CHFR: variants seen among roughly 807,000 people sequenced by gnomAD.
The protein encoded by CHFR is checkpoint with forkhead and ring finger domains.
In CHFR, 57 loss-of-function variants were observed where a neutral mutation model predicts 87.6. The ratio of observed to expected loss-of-function variants is 0.65; its 90% CI spans 0.53 to 0.81. CHFR has a LOEUF of 0.81. Among genes scored for constraint, CHFR ranks in the 30% least tolerant of loss-of-function variants. The pLI is 0.00. For missense variants in CHFR, 797 were observed against 865.8 expected, an observed-to-expected ratio of 0.92 and a Z score of 1.00; for synonymous variants, 381 against 359.2, an observed-to-expected ratio of 1.06 and a Z score of -0.69.
chr12:132,843,817 C>T (rs1041685713), intron 16 of CHFR, among the ~76,000 whole-genome samples: 11 of 151,920 alleles, frequency 7.2e-5, no homozygotes, highest in South Asian at 2.1e-4. Context: ...GGCGTGGTGG[C>T]GGGTGCCTGT....
rs1213864952 is a variant in CHFR at position 132,870,798 on chromosome 12, A to G, written c.344-15T>C. ...GTATGCCACGTCTAAAAGAAAATCA[A>G]TCAAATCAGAAAAGTGGTGGCCCCT... On this transcript the variant is annotated splice_polypyrimidine_tract_variant and intron_variant, in intron 4 of 17. Transcript: ENST00000450056. 1.9e-6 allele frequency: 3 copies of G among 1,583,850 alleles called. No individual in the cohort carries two copies. The highest frequency in any genetic ancestry group is 1.7e-4 in the Middle Eastern group (1 of 5,994).
chr12:132,857,190 G>A (rs1389539816), intron 9 of CHFR, among the ~76,000 whole-genome samples: 1 of 141,054 alleles, frequency 7.1e-6, no homozygotes, highest in Non-Finnish European at 1.5e-5. Flanking sequence ...CCCAGGTGGT[G>A]GTGGAGGGAC....
At chr12:132,855,152 G>GA (rs1413932358) in intron 10 of CHFR, 1 of 150,032 alleles carries the variant, frequency 6.7e-6, no homozygotes, top group African/African-American at 2.5e-5. Flanking sequence ...TAACACGGGA[G>GA]AATCACTTGA....
At chr12:132,866,614 G>A (rs1951347466) in intron 6 of CHFR, 1 of 120,414 alleles carries the variant, frequency 8.3e-6, no homozygotes, top group Non-Finnish European at 1.9e-5. Flanking sequence ...ACACCAGAAA[G>A]TTACAACACA....
chr12:132,860,680 AATC>A (rs1439747864), intron 7 of CHFR, among the ~76,000 whole-genome samples: 1 of 152,230 alleles, frequency 6.6e-6, no homozygotes, highest in Admixed American at 6.5e-5. Context: ...CTTCTCCCTA[AATC>A]ATCTTCAATG....
intron 10 of CHFR, among the ~76,000 whole-genome samples, chr12:132,855,392 C>T (rs943475884): frequency 3.3e-5 from 5 of 149,688 alleles, no homozygotes; most frequent in Admixed American, 1.3e-4. Flanking sequence ...ATTGGCAGGG[C>T]GCAGTGGCTC....
Position 132,851,551 on chromosome 12 carries a change from C to T in CHFR, c.1492+67G>A, listed in dbSNP as rs79504747. On this transcript the variant is annotated intron_variant, in intron 12 of 17. Coordinates refer to ENST00000450056, the MANE Select transcript of CHFR (RefSeq NM_001161346.2). ...TCACAGGTTACCCTAAGGCCAACAC[C>T]GCTTTGAAACCTGACCCCTGAAGGA... is the stretch of plus-strand genomic sequence containing the variant. 795 of 1,503,526 alleles carry T rather than the reference C, an allele frequency of 5.3e-4. 3 individuals carry two copies. The African/African-American group carries it at 7.9e-3, about 15-fold the overall frequency. 93.1% of individuals were successfully genotyped at this position (1,503,526 alleles called of 1,614,324 possible). A position where few individuals can be genotyped will look rare whatever the true frequency, so the allele number is the denominator to read the frequency against.
chr12:132,879,686 G>A (rs751925400), intron 2 of CHFR, among the ~76,000 whole-genome samples: 2 of 152,162 alleles, frequency 1.3e-5, no homozygotes, highest in African/African-American at 2.4e-5. Context: ...ACCAGCGCCC[G>A]GCCCTGAATA....
At chr12:132,853,658 A>T (rs1566182134) in intron 10 of CHFR, 85 bp from the exon 11 acceptor site, 2 of 1,417,856 alleles carry the variant, frequency 1.4e-6, no homozygotes, top group African/African-American at 3.0e-5. Flanking sequence ...CAGCCATCAC[A>T]GCTCAGCTCC....
chr12:132,876,743 T>C (rs1244226687), intron 3 of CHFR, among the ~76,000 whole-genome samples: 1 of 152,186 alleles, frequency 6.6e-6, no homozygotes, highest in East Asian at 1.9e-4. Flanking sequence ...GAAATACATC[T>C]TCTAATACCT....
intron 10 of CHFR, 129 bp downstream of exon 10, chr12:132,856,339 A>C: frequency 1.0e-6 from 1 of 963,976 alleles, no homozygotes. Context: ...AAGCCATTTA[A>C]GAGCTTGGCT....
At chr12:132,846,957 G>T in intron 15 of CHFR, 86 bp downstream of exon 15, 1 of 926,796 alleles carries the variant, frequency 1.1e-6, no homozygotes. Flanking sequence ...GGTGAAGGTC[G>T]GAGTTGTCAC....
At position 132,856,620 on chromosome 12, in the gene CHFR, G is replaced by A. The variant is rs928539042; in HGVS notation, c.1077C>T (p.Arg359=). 13 of 1,613,860 alleles carry A rather than the reference G, an allele frequency of 8.1e-6. No individual in the cohort carries two copies. The African/African-American group carries it at 1.6e-4, about 20-fold the overall frequency. Residue 359 remains arginine, a synonymous_variant, in exon 10 of 18, where the codon CGC becomes CGT. Transcript: ENST00000450056. ...AYLIQHPDKS[R]SEEDVQSMDA... ...CCATACTTTGCACATCTTCTTCACTGCGACTCTTGTCTAGAATTGAAAGGA... is the reference window on the plus strand; with the variant it reads ...CCATACTTTGCACATCTTCTTCACTACGACTCTTGTCTAGAATTGAAAGGA...
chr12:132,882,224 C>T (rs373319220), intron 2 of CHFR, among the ~76,000 whole-genome samples: 2 of 152,202 alleles, frequency 1.3e-5, no homozygotes, highest in East Asian at 3.8e-4. Flanking sequence ...AAGGAGCAAA[C>T]TGCTCATCCA....
Position 132,836,646 on chromosome 12 carries a change from C to T in CHFR, c.*4908G>A, listed in dbSNP as rs1950648785. ...CTCCTGAGTCCATTCCTTCCACAGA[C>T]ATGCACGACCAAGTGTCTGCTCTGT... On this transcript the variant is annotated 3_prime_UTR_variant, in exon 18 of 18. Transcript: ENST00000450056. The T allele has an allele frequency of 1.3e-5, 6 of 456,008 alleles. No individual in the cohort carries two copies. Among genetic ancestry groups the T allele is most frequent in the Non-Finnish European group, 2.2e-5 (5 of 226,822 alleles). The allele number at this position is 456,008 out of a possible 1,614,324, so 28.2% of individuals were successfully genotyped here.
intron 10 of CHFR, among the ~76,000 whole-genome samples, chr12:132,856,193 T>C (rs1593469763): frequency 6.6e-6 from 1 of 152,046 alleles, no homozygotes; most frequent in Non-Finnish European, 1.5e-5. Flanking sequence ...CAGCCGAGGG[T>C]GCAAATGTCT....
In CHFR at chr12:132,838,833, C is replaced by T. The variant is rs539082548; in HGVS notation, c.*2721G>A. 1 of 152,482 alleles carries T rather than the reference C, an allele frequency of 6.6e-6. No homozygotes were observed. The highest frequency in any genetic ancestry group is 1.9e-4 in the East Asian group (1 of 5,186). 9.4% of individuals were successfully genotyped at this position (152,482 alleles called of 1,614,324 possible). A position where few individuals can be genotyped will look rare whatever the true frequency, so the allele number is the denominator to read the frequency against. On this transcript the variant is annotated 3_prime_UTR_variant, in exon 18 of 18. Transcript: ENST00000450056. ...TTCACGGCCACCTGCTTCCATAAAACACAGCTCCTTACCACACCCGAGGAG... is the reference window on the plus strand; with the variant it reads ...TTCACGGCCACCTGCTTCCATAAAATACAGCTCCTTACCACACCCGAGGAG...
chr12:132,853,555 G>A lies in CHFR; in HGVS notation c.1248C>T (p.Cys416=). Residue 416 remains cysteine, a synonymous_variant, in exon 11 of 18, where the codon TGC becomes TGT. Coordinates refer to ENST00000450056, the MANE Select transcript of CHFR (RefSeq NM_001161346.2). Reference sequence around the variant, plus strand: ...GCCTTCTGTACTCAGGACACTGCCGGCACACGACGTATGGCTGGCTGCAAG... The same window carrying A: ...GCCTTCTGTACTCAGGACACTGCCGACACACGACGTATGGCTGGCTGCAAG... ...SSDISQPYVV[C]RQCPEYRRQA... The A allele has an allele frequency of 6.5e-7, 1 of 1,531,770 alleles. No homozygotes were observed. The highest frequency in any genetic ancestry group is 8.8e-7 in the Non-Finnish European group (1 of 1,141,692). 94.9% of individuals were successfully genotyped at this position (1,531,770 alleles called of 1,614,324 possible).
chr12:132,862,677 T>C (rs542468260), intron 6 of CHFR, among the ~76,000 whole-genome samples: 1 of 152,118 alleles, frequency 6.6e-6, no homozygotes, highest in Admixed American at 6.5e-5. Flanking sequence ...CCTCCTGGGT[T>C]GACGCCATTC....
Sources: allele counts gnomAD v4.1 joint callset (sites outside exome capture counted in the v4.1 genomes callset), GRCh38; gene constraint gnomAD v4.1.1; transcripts MANE v1.5; gene names NCBI Gene and HGNC (gene_info 2026-07-23, HGNC 2026-07-21).